BPIFB4: variants seen among roughly 807,000 people sequenced by gnomAD.
BPIFB4 encodes the protein BPI fold containing family B member 4, also known as BPI fold-containing family B member 4.
A neutral mutation model predicts 69.2 loss-of-function variants in BPIFB4; 62 were observed. The observed-to-expected ratio is 0.90, with a 90% CI of 0.73 to 1.11. The LOEUF is 1.11. Among genes scored for constraint, BPIFB4 ranks in the 50% least tolerant of loss-of-function variants. The pLI, the probability that BPIFB4 is intolerant of heterozygous loss-of-function variation, is 0.00. For synonymous variants in BPIFB4, 330 were observed against 332.7 expected, an observed-to-expected ratio of 0.99 and a Z score of 0.09; for missense variants, 789 against 792.0, an observed-to-expected ratio of 1.00 and a Z score of 0.04.
At chr20:33,089,287 G>A (rs1981526772) in intron 8 of BPIFB4, among the ~76,000 whole-genome samples, 1 of 152,206 alleles carries the variant, frequency 6.6e-6, no homozygotes, top group African/African-American at 2.4e-5. Context: ...TCCTAGCTGG[G>A]TGCCAAGTTG....
intron 10 of BPIFB4, among the ~76,000 whole-genome samples, chr20:33,091,143 G>C (rs928248518): frequency 1.3e-5 from 2 of 152,186 alleles, no homozygotes; most frequent in African/African-American, 4.8e-5. Flanking sequence ...GTGGACCTGG[G>C]GTCTGAACCC....
chr20:33,099,035 T>C (rs1050875058), intron 13 of BPIFB4, among the ~76,000 whole-genome samples: 1 of 151,258 alleles, frequency 6.6e-6, no homozygotes, highest in African/African-American at 2.4e-5. Flanking sequence ...GGTGAGACCC[T>C]AGGCTACGGT....
intron 14 of BPIFB4, among the ~76,000 whole-genome samples, chr20:33,101,294 T>C (rs1028932106): frequency 6.6e-6 from 1 of 152,084 alleles, no homozygotes; most frequent in African/African-American, 2.4e-5. Flanking sequence ...CCAACCCAGG[T>C]TCATGTGACC....
Position 33,090,658 on chromosome 20 carries a change from GC to G in BPIFB4, c.1052-49del, listed in dbSNP as rs1981570035. On this transcript the variant is annotated intron_variant, in intron 9 of 17. Coordinates refer to ENST00000375483, the MANE Select transcript of BPIFB4 (RefSeq NM_182519.3). ...CAGCCCCAGTGTATGAGGAGGGAAGGCATCTGGATGGTGAGGGGACCTCCCT... is the reference window on the plus strand; with the variant it reads ...CAGCCCCAGTGTATGAGGAGGGAAGGATCTGGATGGTGAGGGGACCTCCCT... The G allele has an allele frequency of 2.5e-6, 4 of 1,606,332 alleles. No homozygotes were observed. The East Asian group carries it at 9.0e-5, about 36-fold the overall frequency.
chr20:33,085,105 A>G (rs371089671), intron 6 of BPIFB4, 109 bp downstream of exon 6: 1 of 1,489,208 alleles, frequency 6.7e-7, no homozygotes. Context: ...ATGCCCACAG[A>G]CTTGCACCAG....
chr20:33,108,974 C>G (rs1037421937), intron 17 of BPIFB4, among the ~76,000 whole-genome samples: 3 of 152,116 alleles, frequency 2.0e-5, no homozygotes, highest in Non-Finnish European at 4.4e-5. Flanking sequence ...CAGGCTCAGA[C>G]CCAGGGAACA....
At position 33,111,493 on chromosome 20, in the gene BPIFB4, A is replaced by G; in HGVS notation, c.*56A>G. 6.2e-7 allele frequency: 1 copy of G among 1,608,094 alleles called. No homozygotes were observed. Among genetic ancestry groups the G allele is most frequent in the South Asian group, 1.1e-5 (1 of 90,588 alleles). ...GAAGAAGCTGGAACCAGTCCCAGAGAGGCTCGGCCTGGAAACAGTCCCCTG... is the reference window on the plus strand; with the variant it reads ...GAAGAAGCTGGAACCAGTCCCAGAGGGGCTCGGCCTGGAAACAGTCCCCTG... On this transcript the variant is annotated 3_prime_UTR_variant, in exon 18 of 18. Transcript: ENST00000375483.
intron 10 of BPIFB4, 84 bp downstream of exon 10, chr20:33,090,883 C>G: frequency 6.6e-7 from 1 of 1,522,178 alleles, no homozygotes; most frequent in South Asian, 1.2e-5. Context: ...AGGGCTTCTG[C>G]TGAATGCCTG....
At chr20:33,086,605 A>T (rs1464234710) in intron 7 of BPIFB4, among the ~76,000 whole-genome samples, 1 of 152,148 alleles carries the variant, frequency 6.6e-6, no homozygotes, top group South Asian at 2.1e-4. Flanking sequence ...AATTGAGATA[A>T]GGAATGGAAA....
At position 33,111,490 on chromosome 20, in the gene BPIFB4, G is replaced by A; in HGVS notation, c.*53G>A. ...CTGGAAGAAGCTGGAACCAGTCCCA[G>A]AGAGGCTCGGCCTGGAAACAGTCCC... On this transcript the variant is annotated 3_prime_UTR_variant, in exon 18 of 18. Transcript: ENST00000375483. 1 of 1,609,316 alleles carries A rather than the reference G, an allele frequency of 6.2e-7. No homozygotes were observed.
intron 14 of BPIFB4, among the ~76,000 whole-genome samples, chr20:33,101,735 G>A (rs1555786839): frequency 6.6e-6 from 1 of 151,328 alleles, no homozygotes; most frequent in African/African-American, 2.4e-5. Context: ...TAGTAGAGAC[G>A]GGGTTTCGCC....
In BPIFB4 at chr20:33,092,649, C is replaced by T; in HGVS notation, c.1335C>T (p.Thr445=). The part of the protein sequence containing the change: ...QKQHALDLDI[T]NGMFEELPPL... The stretch of plus-strand genomic sequence containing the variant: ...AGCATGCTCTAGACCTGGATATCAC[C>T]AATGGCATGGTGAGTCACAGCCCCA... The change falls in exon 11 of 18, where the codon ACC becomes ACT. Residue 445 remains threonine (T), a synonymous_variant. Coordinates refer to ENST00000375483, the MANE Select transcript of BPIFB4 (RefSeq NM_182519.3). The T allele has an allele frequency of 2.5e-6, 4 of 1,609,936 alleles. No individual in the cohort carries two copies. Among genetic ancestry groups the T allele is most frequent in the Non-Finnish European group, 3.4e-6 (4 of 1,179,686 alleles).
At chr20:33,107,181 G>A (rs1982083952) in intron 16 of BPIFB4, among the ~76,000 whole-genome samples, 1 of 149,804 alleles carries the variant, frequency 6.7e-6, no homozygotes, top group Non-Finnish European at 1.5e-5. Context: ...TCCAGCTGGG[G>A]CAACAGAGCA....
chr20:33,081,364 C>T, intron 2 of BPIFB4, 148 bp from the exon 3 acceptor site: 1 of 1,376,182 alleles, frequency 7.3e-7, no homozygotes, highest in Admixed American at 3.0e-5. Context: ...AATTCTGGAC[C>T]CTGCCTTAGT....
At chr20:33,086,236 T>A in intron 7 of BPIFB4, 72 bp downstream of exon 7, 1 of 1,545,168 alleles carries the variant, frequency 6.5e-7, no homozygotes, top group Non-Finnish European at 8.9e-7. Context: ...CAACATGACG[T>A]CACCCACCTG....
At position 33,104,802 on chromosome 20, in the gene BPIFB4, C is replaced by T. The variant is rs1248972158; in HGVS notation, c.1681-8C>T. ...TGCCCAGGCTCTGTCCTCCTTCTTC[C>T]TCTGCAGATTGGCCTCATGGAGGTG... On this transcript the variant is annotated splice_polypyrimidine_tract_variant and splice_region_variant and intron_variant, in intron 15 of 17. Transcript: ENST00000375483. 7 of 1,613,978 alleles carry T rather than the reference C, an allele frequency of 4.3e-6. No homozygotes were observed. The highest frequency in any genetic ancestry group is 5.9e-6 in the Non-Finnish European group (7 of 1,179,864).
intron 13 of BPIFB4, among the ~76,000 whole-genome samples, chr20:33,099,806 C>T (rs80094994): frequency 0.035 from 5,327 of 152,288 alleles, 157 homozygotes; most frequent in African/African-American, 0.083. Context: ...TATCTACTAA[C>T]ATCACCTGAA....
chr20:33,107,461 AAAC>A (rs1251292540), intron 16 of BPIFB4, among the ~76,000 whole-genome samples: 1 of 151,538 alleles, frequency 6.6e-6, no homozygotes, highest in Non-Finnish European at 1.5e-5. Context: ...ACAAAAAACA[AAAC>A]AAACAAACAA....
chr20:33,111,213 T>G (rs949608542), intron 17 of BPIFB4, among the ~76,000 whole-genome samples: 2 of 152,174 alleles, frequency 1.3e-5, no homozygotes, highest in Non-Finnish European at 2.9e-5. Context: ...GGATGGGAAG[T>G]GTCTTGCCCA....
Sources: gnomAD v4.1 joint callset for allele counts (sites outside exome capture counted in the v4.1 genomes callset) on GRCh38, gnomAD v4.1.1 for gene constraint, MANE v1.5 for transcripts, NCBI Gene and HGNC (gene_info 2026-07-23, HGNC 2026-07-21) for gene names.